PCSK2: variants seen among roughly 807,000 people sequenced by gnomAD.
PCSK2 encodes the protein neuroendocrine convertase 2.
Under a neutral mutation model 69.7 loss-of-function variants are expected in PCSK2, and 14 were observed. The observed-to-expected ratio is 0.20, with a 90% CI of 0.13 to 0.31. The LOEUF (loss-of-function observed/expected upper bound fraction) is 0.31, where lower values mean the gene tolerates loss of function less well. Among genes scored for constraint, PCSK2 ranks in the 10% least tolerant of loss-of-function variants. The pLI, the probability that PCSK2 is intolerant of heterozygous loss-of-function variation, is 1.00. For missense variants in PCSK2, 544 were observed against 842.5 expected (o/e 0.65, Z 4.39); for synonymous variants, 307 against 320.7 (o/e 0.96, Z 0.46).
chr20:17,351,602 A>C (rs1375609967), intron 2 of PCSK2, among the ~76,000 whole-genome samples: 1 of 152,218 alleles, frequency 6.6e-6, no homozygotes, highest in African/African-American at 2.4e-5. Flanking sequence ...AAACCATATT[A>C]TCCTCTCAAT....
chr20:17,313,604 C>G (rs989579765), intron 2 of PCSK2, among the ~76,000 whole-genome samples: 1 of 152,124 alleles, frequency 6.6e-6, no homozygotes, highest in Non-Finnish European at 1.5e-5. Flanking sequence ...CATTCCCCAA[C>G]CTGTTTGCAT....
rs77616048 is a variant in PCSK2 at position 17,262,475 on chromosome 20, A to C, written c.282+2131A>C. Among the ~76,000 whole-genome samples, 1,071 of 152,086 alleles carry C rather than the reference A, an allele frequency of 7.0e-3. 14 individuals carry two copies. Among genetic ancestry groups the C allele is most frequent in the African/African-American group, 0.024 (982 of 41,492 alleles). On this transcript the variant is annotated intron_variant, in intron 2 of 11. Coordinates refer to ENST00000262545, the MANE Select transcript of PCSK2 (RefSeq NM_002594.5). ...ATAATTTTTTTCAAAACGAAAAAAA[A>C]AACTGCTAATGATGACTGCCTTTTT...
chr20:17,402,312 C>A (rs1252460439), intron 5 of PCSK2, among the ~76,000 whole-genome samples: 1 of 152,184 alleles, frequency 6.6e-6, no homozygotes, highest in Non-Finnish European at 1.5e-5. Flanking sequence ...GTGTTTAGAA[C>A]CTCTCCCAAG....
intron 2 of PCSK2, among the ~76,000 whole-genome samples, chr20:17,335,857 G>GGTGTGT (rs3138653): frequency 0.18 from 25,331 of 142,598 alleles, 2,437 homozygotes; most frequent in Non-Finnish European, 0.2. Context: ...AGTAGTCCAT[G>GGTGTGT]GTGTGTGTGT....
intron 10 of PCSK2, among the ~76,000 whole-genome samples, chr20:17,457,039 G>A (rs1568658373): frequency 6.6e-6 from 1 of 152,192 alleles, no homozygotes; most frequent in Admixed American, 6.5e-5. Flanking sequence ...CCATCCTATG[G>A]AGAGGCCACA....
chr20:17,457,242 C>T (rs923449237), intron 10 of PCSK2, among the ~76,000 whole-genome samples: 1 of 152,114 alleles, frequency 6.6e-6, no homozygotes, highest in African/African-American at 2.4e-5. Context: ...AATGCAGTTC[C>T]CAGCAACTTG....
intron 6 of PCSK2, among the ~76,000 whole-genome samples, chr20:17,419,630 A>G (rs1360165364): frequency 6.6e-6 from 1 of 152,190 alleles, no homozygotes; most frequent in Non-Finnish European, 1.5e-5. Context: ...ATACCTTTCA[A>G]CCATGCCAAG....
rs1181437030 is a variant in PCSK2 at position 17,411,067 on chromosome 20, T to C, written c.620+1728T>C. Among the ~76,000 whole-genome samples, 3 of 152,194 alleles carry C rather than the reference T, an allele frequency of 2.0e-5. No homozygotes were observed. The South Asian group carries it at 6.2e-4, about 32-fold the overall frequency. ...AAAATCTACCCTAGTCAAATCTTCCTGGGCAATGTGCTATAAAAATACTCC... is the reference window on the plus strand; with the variant it reads ...AAAATCTACCCTAGTCAAATCTTCCCGGGCAATGTGCTATAAAAATACTCC... On this transcript the variant is annotated intron_variant, in intron 6 of 11. Coordinates refer to ENST00000262545, the MANE Select transcript of PCSK2 (RefSeq NM_002594.5).
chr20:17,402,355 G>A (rs1392173387), intron 5 of PCSK2, among the ~76,000 whole-genome samples: 2 of 152,206 alleles, frequency 1.3e-5, no homozygotes, highest in African/African-American at 4.8e-5. Flanking sequence ...AGGGCCAAAG[G>A]ATGGAGCTGC....
intron 2 of PCSK2, among the ~76,000 whole-genome samples, chr20:17,269,081 T>C (rs570195631): frequency 2.6e-4 from 39 of 152,274 alleles, no homozygotes; most frequent in African/African-American, 7.7e-4. Flanking sequence ...GGTTAGGGAA[T>C]TAAGAGTTTA....
chr20:17,314,845 A>G (rs1490592927), intron 2 of PCSK2, among the ~76,000 whole-genome samples: 1 of 152,168 alleles, frequency 6.6e-6, no homozygotes, highest in Non-Finnish European at 1.5e-5. Context: ...ATGTTTACTA[A>G]TAGAAGTGTG....
intron 5 of PCSK2, among the ~76,000 whole-genome samples, chr20:17,385,665 G>A (rs932134165): frequency 2.6e-5 from 4 of 152,186 alleles, no homozygotes; most frequent in Admixed American, 6.5e-5. Flanking sequence ...TCCAAAAGCT[G>A]ACTGTGAGAC....
At chr20:17,320,038 A>G (rs1009336365) in intron 2 of PCSK2, among the ~76,000 whole-genome samples, 1 of 152,190 alleles carries the variant, frequency 6.6e-6, no homozygotes, top group Non-Finnish European at 1.5e-5. Flanking sequence ...TTCAGAAAGA[A>G]AAGACAGAGC....
At chr20:17,442,152 G>A (rs114698194) in intron 8 of PCSK2, among the ~76,000 whole-genome samples, 6,696 of 151,902 alleles carry the variant, frequency 0.044, 146 homozygotes, top group Middle Eastern at 0.13. Context: ...ACAGCCCACC[G>A]GGAGCTGGGA....
rs1249512187 is a variant in PCSK2, at chr20:17,436,739, A to C, written c.741A>C (p.Thr247=). 3 of 1,613,812 alleles carry C rather than the reference A, an allele frequency of 1.9e-6. No individual in the cohort carries two copies. The highest frequency in any genetic ancestry group is 2.5e-6 in the Non-Finnish European group (3 of 1,179,970). Residue 247 remains threonine, a synonymous_variant, in exon 8 of 12, where the codon ACA becomes ACC. Transcript: ENST00000262545. ...GGATGCTGGACCAGCCATTCATGAC[A>C]GACATCATCGAGGCCTCCTCCATCA... ...GIRMLDQPFM[T]DIIEASSISH...
chr20:17,359,798 A>AT (rs5840764), intron 3 of PCSK2, among the ~76,000 whole-genome samples: 1 of 151,998 alleles, frequency 6.6e-6, no homozygotes, highest in Non-Finnish European at 1.5e-5. Context: ...TGACTTCATT[A>AT]TTTTTTTTAC....
intron 1 of PCSK2, 109 bp downstream of exon 1, chr20:17,227,591 G>A (rs1029874622): frequency 2.6e-6 from 2 of 779,062 alleles, no homozygotes; most frequent in Non-Finnish European, 4.2e-6. Flanking sequence ...CTCATGCGAT[G>A]CAGATATTCT....
At chr20:17,298,438 G>A (rs1988968270) in intron 2 of PCSK2, among the ~76,000 whole-genome samples, 1 of 152,170 alleles carries the variant, frequency 6.6e-6, no homozygotes, top group Non-Finnish European at 1.5e-5. Flanking sequence ...CTGGCATCTA[G>A]TGGGAAAAGA....
intron 10 of PCSK2, among the ~76,000 whole-genome samples, chr20:17,457,079 T>C (rs760298975): frequency 2.6e-5 from 4 of 152,224 alleles, no homozygotes; most frequent in Non-Finnish European, 5.9e-5. Flanking sequence ...ACCTTGGATT[T>C]GAGTAGCAGT....
Sources: allele counts gnomAD v4.1 joint callset (sites outside exome capture counted in the v4.1 genomes callset), GRCh38; gene constraint gnomAD v4.1.1; transcripts MANE v1.5; gene names NCBI Gene and HGNC (gene_info 2026-07-23, HGNC 2026-07-21).